Variants in PCNX3 observed in about 807,000 individuals in gnomAD.
PCNX3 encodes pecanex-like protein 3.
A neutral mutation model predicts 207.2 loss-of-function variants in PCNX3; 58 were observed. The observed-to-expected ratio is 0.28, with a 90% CI of 0.23 to 0.35. The LOEUF (loss-of-function observed/expected upper bound fraction) is 0.35, where lower values mean the gene tolerates loss of function less well. Ranked by LOEUF, PCNX3 falls within the 10% of genes least tolerant of loss-of-function variation. The probability of loss-of-function intolerance (pLI) is 1.00; values close to 1 mark genes in which losing one functional copy is unlikely to be tolerated. For missense variants in PCNX3, 2,410 were observed against 2,774.4 expected (o/e 0.87, Z 2.95); for synonymous variants, 1,337 against 1,183.5 (o/e 1.13, Z -2.66).
chr11:65,630,744 C>A, intron 27 of PCNX3, 140 bp downstream of exon 27: 1 of 1,262,534 alleles, frequency 7.9e-7, no homozygotes, highest in Non-Finnish European at 1.1e-6. Context: ...GTTTAAGTGT[C>A]CCCTGAGGTG....
intron 26 of PCNX3, 65 bp from the exon 27 acceptor site, chr11:65,630,284 ACT>A (rs1246235797): frequency 9.7e-6 from 15 of 1,544,054 alleles, no homozygotes; most frequent in Non-Finnish European, 1.3e-5. Context: ...CATGTTGGTC[ACT>A]CTCCCAGGAC....
chr11:65,637,121 C>A lies in PCNX3; in HGVS notation c.*143C>A. On this transcript the variant is annotated 3_prime_UTR_variant, in exon 35 of 35. Coordinates refer to ENST00000355703, the MANE Select transcript of PCNX3 (RefSeq NM_032223.4). ...GGCTGCCTTGGCCAGAGTACCAAAA[C>A]TGAGTGACCCAGACCTCTGACCTTG... 1 of 889,826 alleles carries A rather than the reference C, an allele frequency of 1.1e-6. No individual in the cohort carries two copies. The highest frequency in any genetic ancestry group is 1.7e-6 in the Non-Finnish European group (1 of 587,178). 55.1% of individuals were successfully genotyped at this position (889,826 alleles called of 1,614,324 possible).
At position 65,619,795 on chromosome 11, in the gene PCNX3, C is replaced by T; in HGVS notation, c.1871C>T (p.Ser624Phe). Residue 624 changes from serine (S) to phenylalanine (F), a missense_variant, in exon 8 of 35, where the codon TCC becomes TTC. Transcript: ENST00000355703. Reference sequence around the variant, plus strand: ...CAGCGGGGCCGGGCTGCCTCCCACTCCCGGGCGCTGACGCTGCCCTCTGCG... The same window carrying T: ...CAGCGGGGCCGGGCTGCCTCCCACTTCCGGGCGCTGACGCTGCCCTCTGCG... ...EAQRGRAASH[S>F]RALTLPSALH... 1 of 1,588,442 alleles carries T rather than the reference C, an allele frequency of 6.3e-7. No homozygotes were observed. The highest frequency in any genetic ancestry group is 8.5e-7 in the Non-Finnish European group (1 of 1,172,968).
chr11:65,629,813 A>G, intron 26 of PCNX3, 78 bp downstream of exon 26: 2 of 1,452,092 alleles, frequency 1.4e-6, no homozygotes, highest in African/African-American at 1.4e-5. Context: ...AGCACGTGCG[A>G]AGGAGGTCCA....
intron 10 of PCNX3, among the ~76,000 whole-genome samples, chr11:65,621,317 G>A (rs1855085089): frequency 1.3e-5 from 2 of 151,404 alleles, no homozygotes; most frequent in African/African-American, 4.9e-5. Flanking sequence ...GTGCTGCCCT[G>A]CATACACTGT....
Position 65,625,795 on chromosome 11 carries a change from G to C in PCNX3, c.3228+51G>C. 1 of 1,596,896 alleles carries C rather than the reference G, an allele frequency of 6.3e-7. No individual in the cohort carries two copies. Among genetic ancestry groups the C allele is most frequent in the South Asian group, 1.1e-5 (1 of 89,830 alleles). Reference sequence around the variant, plus strand: ...CCTCTCGCTGTCTTGGCGGGAGCCTGCTCAATCTGAGTGCCGTGGGCAGCC... The same window carrying C: ...CCTCTCGCTGTCTTGGCGGGAGCCTCCTCAATCTGAGTGCCGTGGGCAGCC... On this transcript the variant is annotated intron_variant, in intron 19 of 34. Coordinates refer to ENST00000355703, the MANE Select transcript of PCNX3 (RefSeq NM_032223.4). The surrounding 1 kb of genome is among the most constrained non-coding windows in gnomAD (Gnocchi z 5.6).
At chr11:65,623,861 A>G (rs767693232) in intron 12 of PCNX3, 68 bp from the exon 13 acceptor site, 31 of 1,604,734 alleles carry the variant, frequency 1.9e-5, no homozygotes, top group Non-Finnish European at 2.6e-5. Context: ...GGAGCTGAAC[A>G]GGTCTGGGGC....
chr11:65,627,074 T>C, intron 21 of PCNX3, 26 bp downstream of exon 21: 2 of 1,467,876 alleles, frequency 1.4e-6, no homozygotes, highest in Non-Finnish European at 1.8e-6. Context: ...CCCTCAACGA[T>C]CCCATCATCC....
rs1323859854 is a variant in PCNX3 at position 65,617,598 on chromosome 11, G to A, written c.482-13G>A. On this transcript the variant is annotated splice_polypyrimidine_tract_variant and intron_variant, in intron 4 of 34. Transcript: ENST00000355703. ...AGGGGGTCCTGCTGACACCTCTGGGGCCATGGTTGCAGACATCAAGGAGCT... is the reference window on the plus strand; with the variant it reads ...AGGGGGTCCTGCTGACACCTCTGGGACCATGGTTGCAGACATCAAGGAGCT... 2 of 1,613,060 alleles carry A rather than the reference G, an allele frequency of 1.2e-6. No individual in the cohort carries two copies. The highest frequency in any genetic ancestry group is 1.1e-5 in the South Asian group (1 of 91,026).
chr11:65,630,287 C>T (rs1347195660), intron 26 of PCNX3, 64 bp from the exon 27 acceptor site: 1 of 1,556,834 alleles, frequency 6.4e-7, no homozygotes, highest in Non-Finnish European at 8.7e-7. Flanking sequence ...GTTGGTCACT[C>T]TCCCAGGACA....
At chr11:65,620,224 C>T (rs1444139361) in intron 8 of PCNX3, 115 bp from the exon 9 acceptor site, 7 of 1,157,694 alleles carry the variant, frequency 6.0e-6, no homozygotes, top group South Asian at 4.8e-5. Flanking sequence ...GGGCTGCCCT[C>T]TCAGAGGACA....
Position 65,625,412 on chromosome 11 carries a change from A to T in PCNX3, c.3037A>T (p.Ile1013Phe). The stretch of plus-strand genomic sequence containing the variant: ...ACTCTTCCTCACCCCCAGGTCTCTG[A>T]TCCGGAGCAAGCTGTTCCCTGAGCT... ...SSDPTVLWSL[I>F]RSKLFPELEE... is the part of the protein sequence containing the mutation. The change falls in exon 18 of 35, where the codon ATC (isoleucine) becomes TTC (phenylalanine). Residue 1013 changes from isoleucine (I) to phenylalanine (F), a missense_variant. Ile to Phe is a conservative substitution (Grantham distance 21). Coordinates refer to ENST00000355703, the MANE Select transcript of PCNX3 (RefSeq NM_032223.4). This position sits in a 1 kb window ranked among gnomAD's most constrained non-coding sequence, Gnocchi z 5.6. The T allele has an allele frequency of 6.2e-7, 1 of 1,603,590 alleles. No individual in the cohort carries two copies. The highest frequency in any genetic ancestry group is 8.5e-7 in the Non-Finnish European group (1 of 1,178,552).
chr11:65,624,480 T>C lies in PCNX3; in HGVS notation c.2726T>C (p.Leu909Pro). The C allele has an allele frequency of 6.3e-7, 1 of 1,599,048 alleles. No homozygotes were observed. Among genetic ancestry groups the C allele is most frequent in the East Asian group, 2.3e-5 (1 of 44,346 alleles). The part of the protein sequence containing the change: ...CARDVATVFT[L>P]CFPFVFLLGL... ...GTCCCCTCCCTGCCAGTGTTCACCC[T>C]GTGCTTCCCCTTCGTCTTCCTCCTG... The change falls in exon 15 of 35, where the codon CTG becomes CCG. Residue 909 changes from leucine to proline, a missense_variant. Around this residue, in one of 8 missense-constraint regions of PCNX3, gnomAD observed 177 missense variants for 257.5 expected, o/e 0.69. Coordinates refer to ENST00000355703, the MANE Select transcript of PCNX3 (RefSeq NM_032223.4).
rs1854718541 is a variant in PCNX3 at position 65,616,213 on chromosome 11, G to A, written c.-99G>A. The stretch of plus-strand genomic sequence containing the variant: ...GGGGAGGCCATGGCGTGAGCGTGAG[G>A]CCGGGCCCCGGGGCCCTCAGGCGCC... On this transcript the variant is annotated 5_prime_UTR_variant, in exon 1 of 35. Transcript: ENST00000355703. The A allele has an allele frequency of 3.0e-6, 3 of 1,015,678 alleles. No individual in the cohort carries two copies. Among genetic ancestry groups the A allele is most frequent in the Non-Finnish European group, 4.0e-6 (3 of 749,038 alleles). The allele number at this position is 1,015,678 out of a possible 1,614,324, so 62.9% of individuals were successfully genotyped here. A position where few individuals can be genotyped will look rare whatever the true frequency, so the allele number is the denominator to read the frequency against.
intron 14 of PCNX3, 48 bp from the exon 15 acceptor site, chr11:65,624,423 G>T (rs770437667): frequency 6.4e-7 from 1 of 1,552,480 alleles, no homozygotes; most frequent in Non-Finnish European, 8.7e-7. Context: ...AGGGTGGGCC[G>T]CGGAAAGCCA....
chr11:65,618,122 C>T lies in PCNX3; in HGVS notation c.760C>T (p.Leu254=). Residue 254 remains leucine, a synonymous_variant, in exon 6 of 35, where the codon CTG becomes TTG. Coordinates refer to ENST00000355703, the MANE Select transcript of PCNX3 (RefSeq NM_032223.4). ...SLSQELSKSF[L]TLTQPDRALV... is the part of the protein sequence containing the mutation. ...CAGCCAGGAGCTGAGCAAGAGCTTC[C>T]TGACCCTGACCCAGCCTGACCGGGC... 1 of 1,611,530 alleles carries T rather than the reference C, an allele frequency of 6.2e-7. No individual in the cohort carries two copies. Among genetic ancestry groups the T allele is most frequent in the Non-Finnish European group, 8.5e-7 (1 of 1,179,272 alleles).
Position 65,629,510 on chromosome 11 carries a change from T to C in PCNX3, c.4001-10T>C. 1 of 1,613,574 alleles carries C rather than the reference T, an allele frequency of 6.2e-7. No individual in the cohort carries two copies. Among genetic ancestry groups the C allele is most frequent in the African/African-American group, 1.3e-5 (1 of 75,052 alleles). On this transcript the variant is annotated splice_polypyrimidine_tract_variant and intron_variant, in intron 25 of 34. Coordinates refer to ENST00000355703, the MANE Select transcript of PCNX3 (RefSeq NM_032223.4). Reference sequence around the variant, plus strand: ...ACTTTGTCCATTTGCCCGTCTGTTCTGGGTCTTAGGCGCTGATGACAACAA... The same window carrying C: ...ACTTTGTCCATTTGCCCGTCTGTTCCGGGTCTTAGGCGCTGATGACAACAA...
chr11:65,618,678 A>G lies in PCNX3; in HGVS notation c.1316A>G (p.Gln439Arg). The G allele has an allele frequency of 6.2e-7, 1 of 1,613,324 alleles. No individual in the cohort carries two copies. Among genetic ancestry groups the G allele is most frequent in the Non-Finnish European group, 8.5e-7 (1 of 1,179,816 alleles). Residue 439 changes from glutamine to arginine, a missense_variant, in exon 6 of 35, where the codon CAG becomes CGG. Transcript: ENST00000355703. ...ELSPASSLRS[Q>R]RRYSTDSSSS... ...AGCCCGGCCTCCAGTCTCCGATCGC[A>G]GCGCCGCTACAGTACTGACAGCTCC...
At position 65,629,751 on chromosome 11, in the gene PCNX3, A is replaced by G; in HGVS notation, c.4216+16A>G. On this transcript the variant is annotated intron_variant, in intron 26 of 34. Transcript: ENST00000355703. The stretch of plus-strand genomic sequence containing the variant: ...GAGTTCCGGGGTGAGCCGCAGGACC[A>G]GGCTCGGGTGGGCAGGCACAGCTCG... 6.5e-7 allele frequency: 1 copy of G among 1,548,870 alleles called. No homozygotes were observed. Among genetic ancestry groups the G allele is most frequent in the Non-Finnish European group, 8.7e-7 (1 of 1,146,866 alleles).
Sources: allele counts gnomAD v4.1 joint callset (sites outside exome capture counted in the v4.1 genomes callset), GRCh38; gene constraint gnomAD v4.1.1; regional missense constraint gnomAD v4.1.1; non-coding constraint Gnocchi (gnomAD v3.1); transcripts MANE v1.5; gene names NCBI Gene and HGNC (gene_info 2026-07-23, HGNC 2026-07-21).